Variants in COL28A1 observed in about 807,000 individuals in gnomAD.
The protein encoded by COL28A1 is collagen type XXVIII alpha 1 chain.
Under a neutral mutation model 150.2 loss-of-function variants are expected in COL28A1, and 161 were observed. That is an observed-to-expected ratio of 1.07 (90% CI 0.94 to 1.22). COL28A1 has a LOEUF of 1.22. Ranked by LOEUF, COL28A1 falls within the 50% of genes most tolerant of loss-of-function variation. The pLI, the probability that COL28A1 is intolerant of heterozygous loss-of-function variation, is 0.00. For missense variants in COL28A1, 1,617 were observed against 1,388.3 expected, an observed-to-expected ratio of 1.16 and a Z score of -2.62; for synonymous variants, 552 against 469.7, an observed-to-expected ratio of 1.18 and a Z score of -2.26.
chr7:7,368,272 T>A (rs1319992636), intron 33 of COL28A1, among the ~76,000 whole-genome samples: 2 of 152,148 alleles, frequency 1.3e-5, no homozygotes, highest in Non-Finnish European at 2.9e-5. Flanking sequence ...GTCCTTAAAT[T>A]ACCTGTCCAG....
intron 23 of COL28A1, among the ~76,000 whole-genome samples, chr7:7,433,827 G>T (rs1215496282): frequency 1.3e-5 from 2 of 152,028 alleles, no homozygotes; most frequent in Non-Finnish European, 2.9e-5. Context: ...AATATTTATG[G>T]TTTTTCTTTA....
intron 25 of COL28A1, among the ~76,000 whole-genome samples, chr7:7,422,062 A>T (rs1336747743): frequency 6.6e-6 from 1 of 152,158 alleles, no homozygotes; most frequent in Non-Finnish European, 1.5e-5. Context: ...AGAGTGTGTA[A>T]GTTCACTGCC....
At chr7:7,527,718 A>G (rs1475489268) in intron 3 of COL28A1, among the ~76,000 whole-genome samples, 3 of 152,352 alleles carry the variant, frequency 2.0e-5, no homozygotes, top group South Asian at 2.1e-4. Flanking sequence ...GAATTTCATT[A>G]ATGGATTCAT....
chr7:7,473,841 G>A (rs927196523), intron 15 of COL28A1, among the ~76,000 whole-genome samples: 3 of 146,648 alleles, frequency 2.0e-5, no homozygotes, highest in Admixed American at 2.0e-4. Context: ...ATATTACAGT[G>A]TGTGTGTTTG....
At chr7:7,507,237 GA>G in intron 9 of COL28A1, 76 bp from the exon 10 acceptor site, 1 of 748,642 alleles carries the variant, frequency 1.3e-6, no homozygotes, top group Non-Finnish European at 2.3e-6. Flanking sequence ...AGGAGGGAAG[GA>G]AATGTGTTCT....
chr7:7,449,350 A>G (rs368543300), intron 18 of COL28A1, among the ~76,000 whole-genome samples: 3 of 152,200 alleles, frequency 2.0e-5, no homozygotes, highest in African/African-American at 7.2e-5. Flanking sequence ...AAATCCAGTA[A>G]TCATTTATAT....
rs1333180490 is a variant in COL28A1 at position 7,373,725 on chromosome 7, G to A, written c.2360-179C>T. On this transcript the variant is annotated intron_variant, in intron 31 of 34. Coordinates refer to ENST00000399429, the MANE Select transcript of COL28A1 (RefSeq NM_001037763.3). The surrounding 1 kb of genome is among the most constrained non-coding windows in gnomAD (Gnocchi z 4.1). ...GGTTTCTTTTTTTTTTTGTGAGACA[G>A]AGTCTCGCTGTCGCCCAGGTTGGAG... 6.7e-6 allele frequency among the ~76,000 whole-genome samples: 1 copy of A among 148,990 alleles called. No individual in the cohort carries two copies. The highest frequency in any genetic ancestry group is 2.0e-4 in the East Asian group (1 of 5,042).
chr7:7,338,260 C>T, the COL28A1 span, among the ~76,000 whole-genome samples: 5 of 151,280 alleles, frequency 3.3e-5, no homozygotes, highest in African/African-American at 9.7e-5. Context: ...GGTAGTTTGG[C>T]GGCAATCTGT....
intron 30 of COL28A1, among the ~76,000 whole-genome samples, chr7:7,377,068 G>A (rs1239461896): frequency 1.3e-5 from 2 of 152,062 alleles, no homozygotes; most frequent in African/African-American, 4.8e-5. Context: ...ATGTTTCCAG[G>A]TTGTATTCTC....
intron 27 of COL28A1, among the ~76,000 whole-genome samples, chr7:7,401,642 C>T (rs1265990249): frequency 2.0e-5 from 3 of 152,090 alleles, no homozygotes; most frequent in African/African-American, 7.2e-5. Flanking sequence ...GCAACCACCC[C>T]TTATCACTTC....
At chr7:7,531,925 T>G in intron 2 of COL28A1, 21 bp from the exon 3 acceptor site, 1 of 1,459,192 alleles carries the variant, frequency 6.9e-7, no homozygotes, top group Non-Finnish European at 9.5e-7. Flanking sequence ...ATAAACAGGT[T>G]AGGCAAAATA....
intron 34 of COL28A1, among the ~76,000 whole-genome samples, chr7:7,360,177 AC>A (rs997420561): frequency 7.2e-5 from 11 of 152,174 alleles, no homozygotes; most frequent in African/African-American, 2.7e-4. Context: ...GACCAAATTT[AC>A]TCCACAGTTT....
chr7:7,356,048 A>C (rs1780345640), downstream of COL28A1, among the ~76,000 whole-genome samples: 1 of 152,236 alleles, frequency 6.6e-6, no homozygotes, highest in Admixed American at 6.5e-5. Context: ...GTTGTAGAGA[A>C]TTACAAATTA....
intron 25 of COL28A1, among the ~76,000 whole-genome samples, chr7:7,428,132 A>G (rs1301025770): frequency 6.6e-6 from 1 of 152,244 alleles, no homozygotes; most frequent in Non-Finnish European, 1.5e-5. Flanking sequence ...CATAATCATG[A>G]CAATGATAAT....
In COL28A1 at chr7:7,437,248, T is replaced by A; in HGVS notation, c.1791+146A>T. On this transcript the variant is annotated intron_variant, in intron 22 of 34. Transcript: ENST00000399429. ...TCTTAACTCTGCTGCTGGCTGTAGT[T>A]TGCTTATCTGTGAAGTTTCAGAGTT... is the stretch of plus-strand genomic sequence containing the variant. 2.3e-6 allele frequency: 3 copies of A among 1,329,624 alleles called. No homozygotes were observed. In the South Asian group the frequency reaches 5.7e-5, roughly 25 times the overall value. 82.4% of individuals were successfully genotyped at this position (1,329,624 alleles called of 1,614,324 possible).
chr7:7,518,868 T>C (rs879025767), intron 6 of COL28A1, among the ~76,000 whole-genome samples: 1 of 152,220 alleles, frequency 6.6e-6, no homozygotes, highest in Non-Finnish European at 1.5e-5. Context: ...TCTATTTAAA[T>C]TTATTTTATT....
At chr7:7,536,463 C>A (rs1782642376), upstream of COL28A1, among the ~76,000 whole-genome samples, 1 of 152,130 alleles carries the variant, frequency 6.6e-6, no homozygotes, top group Non-Finnish European at 1.5e-5. Context: ...TGTGTTCGAA[C>A]TGTAACATGA....
At chr7:7,352,270 C>A (rs1415184194), downstream of COL28A1, among the ~76,000 whole-genome samples, 1 of 152,104 alleles carries the variant, frequency 6.6e-6, no homozygotes, top group Non-Finnish European at 1.5e-5. Context: ...CAAAGATAAA[C>A]AAGGCATGTC....
intron 15 of COL28A1, among the ~76,000 whole-genome samples, chr7:7,471,267 C>T (rs185393144): frequency 6.6e-5 from 10 of 151,942 alleles, no homozygotes; most frequent in Admixed American, 2.0e-4. Context: ...CAGGACTAGA[C>T]GGATTCACAA....
Sources: allele counts gnomAD v4.1 joint callset (sites outside exome capture counted in the v4.1 genomes callset), GRCh38; gene constraint gnomAD v4.1.1; non-coding constraint Gnocchi (gnomAD v3.1); transcripts MANE v1.5; gene names NCBI Gene and HGNC (gene_info 2026-07-23, HGNC 2026-07-21).